CHCHD6: variants seen among roughly 807,000 people sequenced by gnomAD.
The protein encoded by CHCHD6 is MICOS complex subunit MIC25.
In CHCHD6, 28 loss-of-function variants were observed where a neutral mutation model predicts 32.3. That is an observed-to-expected ratio of 0.87 (90% confidence interval 0.64 to 1.19). The LOEUF (loss-of-function observed/expected upper bound fraction) is 1.19. Among genes scored for constraint, CHCHD6 ranks in the 50% most tolerant of loss-of-function variants. The pLI is 0.00. For synonymous variants in CHCHD6, 122 were observed against 117.5 expected (o/e 1.04, Z -0.25); for missense variants, 333 against 307.0 (o/e 1.08, Z -0.63).
intron 4 of CHCHD6, among the ~76,000 whole-genome samples, chr3:126,815,504 G>A (rs946482127): frequency 3.1e-4 from 47 of 152,230 alleles, no homozygotes; most frequent in Admixed American, 3.1e-3. Context: ...TATCATCCTT[G>A]ACTCCTCCCT....
intron 6 of CHCHD6, among the ~76,000 whole-genome samples, chr3:126,922,493 C>G (rs959616452): frequency 1.3e-5 from 2 of 152,204 alleles, no homozygotes; most frequent in African/African-American, 4.8e-5. Context: ...TTACCTTGCT[C>G]TTTTCTGCTG....
At chr3:126,931,828 A>G (rs898344073) in intron 6 of CHCHD6, among the ~76,000 whole-genome samples, 6 of 152,176 alleles carry the variant, frequency 3.9e-5, no homozygotes, top group African/African-American at 1.4e-4. Context: ...ACTTGAAAAG[A>G]GGGGCCAGGA....
intron 4 of CHCHD6, among the ~76,000 whole-genome samples, chr3:126,830,558 C>G (rs753926298): frequency 6.6e-6 from 1 of 152,214 alleles, no homozygotes; most frequent in Non-Finnish European, 1.5e-5. Context: ...GTGTTCTGTT[C>G]ACCTTTCTTT....
chr3:126,810,561 T>C (rs1939613289), intron 4 of CHCHD6, among the ~76,000 whole-genome samples: 1 of 152,114 alleles, frequency 6.6e-6, no homozygotes, highest in African/African-American at 2.4e-5. Context: ...ACACCTAGGA[T>C]TGGGTACTAG....
At chr3:126,870,048 G>T (rs2077444397) in intron 5 of CHCHD6, among the ~76,000 whole-genome samples, 1 of 152,192 alleles carries the variant, frequency 6.6e-6, no homozygotes, top group African/African-American at 2.4e-5. Flanking sequence ...ATGGGCTTTG[G>T]GTTCATCCCT....
chr3:126,868,046 T>C (rs73205611), intron 5 of CHCHD6, among the ~76,000 whole-genome samples: 3,850 of 152,310 alleles, frequency 0.025, 61 homozygotes, highest in Middle Eastern at 0.061. Context: ...AGCAGCATCA[T>C]CTGTCCCTGG....
chr3:126,867,235 A>ATGTCTC (rs1265738756), intron 5 of CHCHD6, among the ~76,000 whole-genome samples: 1 of 152,174 alleles, frequency 6.6e-6, no homozygotes, highest in Non-Finnish European at 1.5e-5. Context: ...GGTTAAGTTG[A>ATGTCTC]TGTTCACTGC....
chr3:126,942,946 C>T (rs1051884149), intron 6 of CHCHD6, among the ~76,000 whole-genome samples: 1 of 152,176 alleles, frequency 6.6e-6, no homozygotes, highest in African/African-American at 2.4e-5. Flanking sequence ...CATAGTGATA[C>T]TTCCAGTTCT....
At chr3:126,783,452 C>T (rs1938049049) in intron 4 of CHCHD6, among the ~76,000 whole-genome samples, 1 of 152,116 alleles carries the variant, frequency 6.6e-6, no homozygotes, top group Non-Finnish European at 1.5e-5. Context: ...CTAGCCAGAG[C>T]AGTCAGGCAA....
intron 4 of CHCHD6, among the ~76,000 whole-genome samples, chr3:126,746,828 C>G (rs949366955): frequency 6.6e-6 from 1 of 152,100 alleles, no homozygotes; most frequent in Non-Finnish European, 1.5e-5. Context: ...TTTTCCTTTC[C>G]CCTTCTTGAT....
At chr3:126,741,144 G>A (rs1447705662) in intron 4 of CHCHD6, among the ~76,000 whole-genome samples, 1 of 152,206 alleles carries the variant, frequency 6.6e-6, no homozygotes, top group Non-Finnish European at 1.5e-5. Context: ...AACACGGGCT[G>A]TGAGGCTGCA....
intron 5 of CHCHD6, among the ~76,000 whole-genome samples, chr3:126,884,771 G>C (rs946055798): frequency 2.6e-5 from 4 of 152,172 alleles, no homozygotes; most frequent in Non-Finnish European, 4.4e-5. Context: ...ACATCAGACA[G>C]GTGGGATACT....
intron 6 of CHCHD6, among the ~76,000 whole-genome samples, chr3:126,920,630 A>G (rs2078233277): frequency 6.6e-6 from 1 of 152,206 alleles, no homozygotes; most frequent in Non-Finnish European, 1.5e-5. Flanking sequence ...ACCACTGAGT[A>G]TTGTCTCACT....
At chr3:126,801,393 C>T (rs558783282) in intron 4 of CHCHD6, among the ~76,000 whole-genome samples, 130 of 152,336 alleles carry the variant, frequency 8.5e-4, no homozygotes, top group Middle Eastern at 3.4e-3. Context: ...TAGGAAATGG[C>T]GCACCAGGAG....
chr3:126,797,754 C>T (rs1347315379), intron 4 of CHCHD6, among the ~76,000 whole-genome samples: 5 of 152,288 alleles, frequency 3.3e-5, no homozygotes, highest in East Asian at 1.9e-4. Flanking sequence ...GAGGTTGATG[C>T]GAATTGTTCT....
chr3:126,814,509 G>A (rs1939792121), intron 4 of CHCHD6, among the ~76,000 whole-genome samples: 1 of 152,166 alleles, frequency 6.6e-6, no homozygotes, highest in Non-Finnish European at 1.5e-5. Context: ...CCAGCCTAAG[G>A]TTAAGTTGAT....
intron 1 of CHCHD6, among the ~76,000 whole-genome samples, chr3:126,715,383 C>T (rs968751097): frequency 4.6e-5 from 7 of 152,290 alleles, no homozygotes; most frequent in South Asian, 2.1e-4. Context: ...GCTCTAGGAA[C>T]GGCAAGTCAG....
intron 4 of CHCHD6, among the ~76,000 whole-genome samples, chr3:126,805,525 C>T (rs952826251): frequency 2.4e-4 from 36 of 152,160 alleles, no homozygotes; most frequent in African/African-American, 8.7e-4. Context: ...AGGAGAACTA[C>T]AAACCACTGC....
At chr3:126,870,185 C>G (rs1421976030) in intron 5 of CHCHD6, among the ~76,000 whole-genome samples, 1 of 152,178 alleles carries the variant, frequency 6.6e-6, no homozygotes, top group Non-Finnish European at 1.5e-5. Context: ...TATGAACATG[C>G]CTACTAGAAT....
Sources: gnomAD v4.1 joint callset for allele counts (sites outside exome capture counted in the v4.1 genomes callset) on GRCh38, gnomAD v4.1.1 for gene constraint, MANE v1.5 for transcripts, NCBI Gene and HGNC (gene_info 2026-07-23, HGNC 2026-07-21) for gene names.